TMEM132D: variants seen among roughly 807,000 people sequenced by gnomAD.
TMEM132D encodes the protein transmembrane protein 132D.
In TMEM132D, 21 loss-of-function variants were observed where a neutral mutation model predicts 62.3. That is an observed-to-expected ratio of 0.34 (90% confidence interval 0.24 to 0.49). The LOEUF (loss-of-function observed/expected upper bound fraction) is 0.49, where lower values mean the gene tolerates loss of function less well. Ranked by LOEUF, TMEM132D falls within the 20% of genes least tolerant of loss-of-function variation. TMEM132D has a pLI of 0.99. For missense variants in TMEM132D, 1,346 were observed against 1,402.8 expected, an observed-to-expected ratio of 0.96 and a Z score of 0.65; for synonymous variants, 621 against 575.6, an observed-to-expected ratio of 1.08 and a Z score of -1.13.
At chr12:129,207,889 TTTG>T (rs1361846736) in intron 5 of TMEM132D, among the ~76,000 whole-genome samples, 1 of 152,194 alleles carries the variant, frequency 6.6e-6, no homozygotes, top group African/African-American at 2.4e-5. Flanking sequence ...ACCTAAGATA[TTTG>T]TTGTTTCTTT....
At chr12:129,774,471 A>T (rs186915871) in intron 1 of TMEM132D, among the ~76,000 whole-genome samples, 2 of 152,254 alleles carry the variant, frequency 1.3e-5, no homozygotes, top group East Asian at 3.9e-4. Context: ...ACCTGAAGGT[A>T]AGGCCCATCT....
chr12:129,682,773 G>A (rs995659936), intron 2 of TMEM132D: 15 of 150,780 alleles, frequency 9.9e-5, no homozygotes, highest in Non-Finnish European at 2.1e-4. Flanking sequence ...GCAGGAGAAT[G>A]GCGTGGACCC....
At chr12:129,595,006 T>C (rs749541831) in intron 2 of TMEM132D, among the ~76,000 whole-genome samples, 4 of 152,238 alleles carry the variant, frequency 2.6e-5, no homozygotes, top group African/African-American at 4.8e-5. Context: ...GGTTAACGGC[T>C]TTGTTTTACA....
chr12:129,430,641 C>T (rs1411845712), intron 3 of TMEM132D, among the ~76,000 whole-genome samples: 1 of 151,996 alleles, frequency 6.6e-6, no homozygotes, highest in African/African-American at 2.4e-5. Flanking sequence ...TCCCTAAATC[C>T]CACTCAGCCT....
chr12:129,824,319 C>G (rs982575634), intron 1 of TMEM132D, among the ~76,000 whole-genome samples: 1 of 152,106 alleles, frequency 6.6e-6, no homozygotes, highest in Admixed American at 6.5e-5. Context: ...TTTTCAGGTA[C>G]TTTTTGAGTT....
intron 4 of TMEM132D, among the ~76,000 whole-genome samples, chr12:129,247,684 A>G (rs890352745): frequency 6.6e-6 from 1 of 152,238 alleles, no homozygotes; most frequent in African/African-American, 2.4e-5. Flanking sequence ...TCTCAGCCCA[A>G]CGAGGGTTCT....
chr12:129,517,850 T>A (rs1160842734), intron 3 of TMEM132D, among the ~76,000 whole-genome samples: 1 of 152,202 alleles, frequency 6.6e-6, no homozygotes, highest in Non-Finnish European at 1.5e-5. Context: ...TTCTTTCTGA[T>A]GATATTTATG....
intron 2 of TMEM132D, among the ~76,000 whole-genome samples, chr12:129,668,222 T>G (rs1013149858): frequency 6.8e-6 from 1 of 147,124 alleles, no homozygotes; most frequent in African/African-American, 2.5e-5. Context: ...TTGATATAAT[T>G]TAGTGTACAT....
chr12:129,687,562 A>G (rs1880962664), intron 2 of TMEM132D, among the ~76,000 whole-genome samples: 1 of 152,096 alleles, frequency 6.6e-6, no homozygotes, highest in Non-Finnish European at 1.5e-5. Context: ...TGGCACAACC[A>G]GGGGGGTGAA....
At chr12:129,513,805 T>TTTATTTA (rs1875574842) in intron 3 of TMEM132D, among the ~76,000 whole-genome samples, 1 of 47,488 alleles carries the variant, frequency 2.1e-5, no homozygotes, top group Non-Finnish European at 4.8e-5. Flanking sequence ...AATTTTTATT[T>TTTATTTA]TTATTTATTT....
At chr12:129,619,626 A>G (rs956102722) in intron 2 of TMEM132D, among the ~76,000 whole-genome samples, 3 of 152,180 alleles carry the variant, frequency 2.0e-5, no homozygotes, top group Non-Finnish European at 4.4e-5. Flanking sequence ...TTAACTTTTA[A>G]CAGAAAAGGT....
chr12:129,154,597 TG>T (rs1440703619), intron 5 of TMEM132D, among the ~76,000 whole-genome samples: 3 of 152,232 alleles, frequency 2.0e-5, no homozygotes, highest in Non-Finnish European at 1.5e-5. Flanking sequence ...TTAATAACGA[TG>T]ATACTTATAT....
intron 3 of TMEM132D, among the ~76,000 whole-genome samples, chr12:129,354,665 C>A (rs1385966432): frequency 6.6e-6 from 1 of 152,036 alleles, no homozygotes; most frequent in Non-Finnish European, 1.5e-5. Context: ...GCTTTAAAAG[C>A]TTTTTATGTC....
chr12:129,169,697 A>C (rs7303044), intron 5 of TMEM132D, among the ~76,000 whole-genome samples: 46,779 of 152,088 alleles, frequency 0.31, 7,723 homozygotes, highest in African/African-American at 0.43. Flanking sequence ...GCAGAACTTC[A>C]TCAATAAGAG....
At chr12:129,223,544 T>A (rs4759581) in intron 4 of TMEM132D, among the ~76,000 whole-genome samples, 48,154 of 151,980 alleles carry the variant, frequency 0.32, 8,005 homozygotes, top group Middle Eastern at 0.42. Context: ...CAGAGTCCTG[T>A]AGACCCCCGG....
chr12:129,872,594 G>A (rs1874283984), intron 1 of TMEM132D, among the ~76,000 whole-genome samples: 1 of 152,240 alleles, frequency 6.6e-6, no homozygotes, highest in Admixed American at 6.5e-5. Context: ...GAAGGATGCT[G>A]TTTAGAAGAG....
chr12:129,323,161 C>A (rs1216158254), intron 4 of TMEM132D, among the ~76,000 whole-genome samples: 7 of 152,044 alleles, frequency 4.6e-5, no homozygotes, highest in South Asian at 2.1e-4. Context: ...TGCAGGGAGG[C>A]CTTTCTGTTG....
At chr12:129,397,849 G>C (rs1871475057) in intron 3 of TMEM132D, among the ~76,000 whole-genome samples, 1 of 152,174 alleles carries the variant, frequency 6.6e-6, no homozygotes, top group South Asian at 2.1e-4. Flanking sequence ...ATCTCAGGCT[G>C]TAGAGCCAGA....
In TMEM132D at chr12:129,501,661, C is replaced by T. The variant is rs144307187; in HGVS notation, c.1115+29398G>A. On this transcript the variant is annotated intron_variant, in intron 3 of 8. Transcript: ENST00000422113. ...CTGGGCCTATAGATGCACACCATCA[C>T]GCCTGGCCAACTTTTGTAATTTTTT... 2.8e-4 allele frequency among the ~76,000 whole-genome samples: 43 copies of T among 152,118 alleles called. No individual in the cohort carries two copies. In the East Asian group the frequency reaches 6.6e-3, roughly 23 times the overall value.
Sources: allele counts gnomAD v4.1 joint callset (sites outside exome capture counted in the v4.1 genomes callset), GRCh38; gene constraint gnomAD v4.1.1; transcripts MANE v1.5; gene names NCBI Gene and HGNC (gene_info 2026-07-23, HGNC 2026-07-21).